Variants in TUT4 observed in about 807,000 individuals in gnomAD.
TUT4 encodes terminal uridylyl transferase 4, also known as terminal uridylyltransferase 4.
In TUT4, 36 loss-of-function variants were observed where a neutral mutation model predicts 192.2. That is an observed-to-expected ratio of 0.19 (90% CI 0.14 to 0.25). The LOEUF (loss-of-function observed/expected upper bound fraction) is 0.25, where lower values mean the gene tolerates loss of function less well. Among genes scored for constraint, TUT4 ranks in the 10% least tolerant of loss-of-function variants. The pLI is 1.00. For synonymous variants in TUT4, 618 were observed against 666.0 expected (o/e 0.93, Z 1.11); for missense variants, 1,493 against 1,957.2 (o/e 0.76, Z 4.47).
At chr1:52,539,051 T>A (rs1685758321) in intron 1 of TUT4, among the ~76,000 whole-genome samples, 3 of 152,078 alleles carry the variant, frequency 2.0e-5, no homozygotes, top group Admixed American at 2.0e-4. Context: ...ACTATTTCAA[T>A]AGGGTAAGGA....
intron 6 of TUT4, among the ~76,000 whole-genome samples, chr1:52,493,952 C>T (rs1570930944): frequency 6.6e-6 from 1 of 150,444 alleles, no homozygotes; most frequent in Admixed American, 6.6e-5. Flanking sequence ...TGTGCCACCA[C>T]ATCCAGCTAA....
In TUT4 at chr1:52,441,770, A is replaced by G. The variant is rs17364600; in HGVS notation, c.3823-3435T>C. Among the ~76,000 whole-genome samples the G allele has an allele frequency of 8.1e-3, 1,226 of 152,124 alleles. 9 individuals are homozygous for G. The highest frequency in any genetic ancestry group is 0.012 in the Admixed American group (188 of 15,288). ...TCTAGCTTTTTTACTTTTTTCCATT[A>G]GTGTACAGCTACCCAAGGACAGGCA... On this transcript the variant is annotated intron_variant, in intron 24 of 29. Transcript: ENST00000257177.
intron 1 of TUT4, among the ~76,000 whole-genome samples, chr1:52,550,814 G>A (rs2149799594): frequency 7.0e-6 from 1 of 143,770 alleles, no homozygotes; most frequent in Admixed American, 6.7e-5. Flanking sequence ...GGTAAGTGTT[G>A]GTTATTTTGT....
At chr1:52,440,150 C>G (rs1198320300) in intron 24 of TUT4, among the ~76,000 whole-genome samples, 1 of 152,112 alleles carries the variant, frequency 6.6e-6, no homozygotes, top group Non-Finnish European at 1.5e-5. Context: ...CTAATGAGGA[C>G]AAGGGTTTAT....
chr1:52,491,880 A>G (rs1290112094), intron 7 of TUT4, among the ~76,000 whole-genome samples: 6 of 152,226 alleles, frequency 3.9e-5, no homozygotes, highest in African/African-American at 9.6e-5. Context: ...AAAAAGGTCA[A>G]TAAGGGGTTT....
chr1:52,533,329 T>G (rs1684001754), intron 1 of TUT4, among the ~76,000 whole-genome samples: 1 of 152,260 alleles, frequency 6.6e-6, no homozygotes, highest in African/African-American at 2.4e-5. Context: ...ATTTCCCTTT[T>G]GGTATACTTT....
intron 9 of TUT4, among the ~76,000 whole-genome samples, chr1:52,488,108 C>T (rs567991055): frequency 2.0e-5 from 3 of 152,274 alleles, no homozygotes; most frequent in African/African-American, 7.2e-5. Context: ...ACTCAGCCAG[C>T]TGGTGCTGCT....
chr1:52,520,563 A>C (rs1419835276), intron 2 of TUT4, among the ~76,000 whole-genome samples: 2 of 152,198 alleles, frequency 1.3e-5, no homozygotes, highest in East Asian at 3.9e-4. Context: ...TATGAATCCC[A>C]AACAATTCAT....
At position 52,461,437 on chromosome 1, in the gene TUT4, G is replaced by A. The variant is rs1157589775; in HGVS notation, c.3231+76C>T. On this transcript the variant is annotated intron_variant, in intron 18 of 29. Transcript: ENST00000257177. The stretch of plus-strand genomic sequence containing the variant: ...TTCCTTATACTGTTCACATTTGAAA[G>A]TTTTAAACATAGAGTCAGTAATCTG... 20 of 1,405,688 alleles carry A rather than the reference G, an allele frequency of 1.4e-5. No homozygotes were observed. The East Asian group carries it at 3.9e-4, about 28-fold the overall frequency. The allele number at this position is 1,405,688 out of a possible 1,614,324, so 87.1% of individuals were successfully genotyped here.
At chr1:52,507,206 T>C (rs1423526210) in intron 4 of TUT4, among the ~76,000 whole-genome samples, 4 of 152,366 alleles carry the variant, frequency 2.6e-5, no homozygotes, top group Non-Finnish European at 4.4e-5. Context: ...AGCATTGTGC[T>C]GAATACTTTA....
chr1:52,427,610 T>C (rs770029667), intron 28 of TUT4, among the ~76,000 whole-genome samples: 9 of 152,246 alleles, frequency 5.9e-5, no homozygotes, highest in Non-Finnish European at 1.3e-4. Context: ...AGAAGGACCA[T>C]GTATGCCATA....
At chr1:52,534,538 C>A (rs1684376816) in intron 1 of TUT4, among the ~76,000 whole-genome samples, 1 of 151,966 alleles carries the variant, frequency 6.6e-6, no homozygotes, top group Non-Finnish European at 1.5e-5. Flanking sequence ...TATCTTCACA[C>A]CTCATTTAGT....
At chr1:52,424,212 G>A in intron 29 of TUT4, 1 of 531,828 alleles carries the variant, frequency 1.9e-6, no homozygotes, top group Non-Finnish European at 3.3e-6. Flanking sequence ...CACGAAAGAT[G>A]GAGAGGAGGA....
chr1:52,516,898 G>A (rs980902953), intron 2 of TUT4, among the ~76,000 whole-genome samples: 4 of 152,120 alleles, frequency 2.6e-5, no homozygotes, highest in Admixed American at 1.3e-4. Context: ...AGCCAGAGAA[G>A]GCTTCTCTGA....
chr1:52,435,643 T>A (rs185161078), intron 26 of TUT4, among the ~76,000 whole-genome samples, 178 bp from the exon 27 acceptor site: 8 of 152,366 alleles, frequency 5.3e-5, no homozygotes, highest in African/African-American at 1.7e-4. Context: ...TACTTAATTT[T>A]AAAAGCTATT....
chr1:52,454,143 G>A (rs1448219534), intron 20 of TUT4, among the ~76,000 whole-genome samples: 1 of 152,168 alleles, frequency 6.6e-6, no homozygotes, highest in Non-Finnish European at 1.5e-5. Context: ...CAAGATGTCA[G>A]TTCTTCCCTA....
intron 1 of TUT4, chr1:52,535,229 A>T (rs1040666653): frequency 1.3e-5 from 2 of 151,762 alleles, no homozygotes; most frequent in African/African-American, 4.8e-5. Context: ...TGCTCCTATT[A>T]ATTAGACTTG....
chr1:52,425,224 T>C, intron 29 of TUT4, 125 bp downstream of exon 29: 1 of 1,219,916 alleles, frequency 8.2e-7, no homozygotes, highest in Non-Finnish European at 1.1e-6. Flanking sequence ...ACACACAGTA[T>C]AATTTCTCAG....
At chr1:52,441,444 A>ATT (rs557710242) in intron 24 of TUT4, among the ~76,000 whole-genome samples, 5,559 of 119,806 alleles carry the variant, frequency 0.046, 136 homozygotes, top group African/African-American at 0.076. Flanking sequence ...TCTCGGCTAA[A>ATT]TTTTTTTTTT....
Sources: allele counts gnomAD v4.1 joint callset (sites outside exome capture counted in the v4.1 genomes callset), GRCh38; gene constraint gnomAD v4.1.1; transcripts MANE v1.5; gene names NCBI Gene and HGNC (gene_info 2026-07-23, HGNC 2026-07-21).